Variants in DLGAP2 observed in about 807,000 individuals in gnomAD.
DLGAP2 encodes disks large-associated protein 2.
In DLGAP2, 26 loss-of-function variants were observed where a neutral mutation model predicts 100.3. The ratio of observed to expected loss-of-function variants is 0.26; its 90% CI spans 0.19 to 0.36. The LOEUF is 0.36. DLGAP2 is among the 10% of genes least tolerant of loss of function. DLGAP2 has a pLI of 1.00. For synonymous variants in DLGAP2, 886 were observed against 630.1 expected (o/e 1.41, Z -6.08); for missense variants, 1,858 against 1,453.2 (o/e 1.28, Z -4.53).
intron 3 of DLGAP2, among the ~76,000 whole-genome samples, chr8:1,366,986 C>A (rs1239247909): frequency 6.6e-6 from 1 of 151,694 alleles, no homozygotes; most frequent in Non-Finnish European, 1.5e-5. Flanking sequence ...TGACCACAGA[C>A]CCCGGTAAAT....
chr8:1,407,476 G>C (rs1328155338), intron 3 of DLGAP2, among the ~76,000 whole-genome samples: 1 of 146,494 alleles, frequency 6.8e-6, no homozygotes, highest in African/African-American at 2.5e-5. Flanking sequence ...TCATCCTCCA[G>C]GGTAGTGTAT....
At chr8:1,526,008 A>G (rs550301978) in intron 4 of DLGAP2, among the ~76,000 whole-genome samples, 9 of 152,082 alleles carry the variant, frequency 5.9e-5, no homozygotes, top group Admixed American at 1.3e-4. Context: ...ATACTTGCCA[A>G]GTGAACATCC....
At chr8:1,488,475 G>C (rs949849798) in intron 3 of DLGAP2, among the ~76,000 whole-genome samples, 24 of 152,200 alleles carry the variant, frequency 1.6e-4, no homozygotes, top group Admixed American at 1.2e-3. Flanking sequence ...TGAGAGGCCA[G>C]TCGGAACGGT....
chr8:1,536,722 G>T (rs1260416801), intron 4 of DLGAP2, among the ~76,000 whole-genome samples: 1 of 152,240 alleles, frequency 6.6e-6, no homozygotes, highest in South Asian at 2.1e-4. Context: ...TATTCATTTT[G>T]TCTCCCTTTT....
intron 3 of DLGAP2, among the ~76,000 whole-genome samples, chr8:1,478,857 A>G (rs1437932665): frequency 2.0e-5 from 3 of 152,236 alleles, no homozygotes; most frequent in African/African-American, 7.2e-5. Context: ...TTAGCCAGGT[A>G]CAAAGGAACA....
chr8:1,463,448 C>T (rs1798516871), intron 3 of DLGAP2, among the ~76,000 whole-genome samples: 1 of 152,198 alleles, frequency 6.6e-6, no homozygotes, highest in Non-Finnish European at 1.5e-5. Context: ...CACCCATGCT[C>T]CCCAGGAACT....
chr8:825,629 T>C (rs1796673184), intron 1 of DLGAP2, among the ~76,000 whole-genome samples: 1 of 152,240 alleles, frequency 6.6e-6, no homozygotes, highest in Admixed American at 6.5e-5. Context: ...CTCTTCAGTC[T>C]GAAGTTTATC....
At chr8:1,040,735 C>T (rs568677669) in intron 2 of DLGAP2, among the ~76,000 whole-genome samples, 9 of 152,120 alleles carry the variant, frequency 5.9e-5, no homozygotes, top group Non-Finnish European at 8.8e-5. Flanking sequence ...TGGTCAGCTC[C>T]GTTCAGAAGA....
chr8:1,221,482 G>A (rs1352890586), intron 2 of DLGAP2, among the ~76,000 whole-genome samples: 1 of 152,122 alleles, frequency 6.6e-6, no homozygotes, highest in Non-Finnish European at 1.5e-5. Context: ...TAGCCTGATG[G>A]GGTTCCCTTG....
At chr8:1,507,628 G>T (rs531256551) in intron 4 of DLGAP2, among the ~76,000 whole-genome samples, 1 of 152,178 alleles carries the variant, frequency 6.6e-6, no homozygotes, top group Non-Finnish European at 1.5e-5. Flanking sequence ...AGGAGGCGCC[G>T]GGAGTGAGTG....
intron 2 of DLGAP2, among the ~76,000 whole-genome samples, chr8:1,217,138 A>G (rs1043354979): frequency 2.6e-5 from 4 of 152,132 alleles, no homozygotes; most frequent in Admixed American, 6.5e-5. Flanking sequence ...AGACCCCAGT[A>G]TCTGTTGCTC....
At chr8:1,304,750 C>A (rs1250928700) in intron 3 of DLGAP2, among the ~76,000 whole-genome samples, 2 of 152,096 alleles carry the variant, frequency 1.3e-5, no homozygotes, top group Non-Finnish European at 2.9e-5. Context: ...GCTAAGTACC[C>A]CTTGCTACAT....
intron 1 of DLGAP2, among the ~76,000 whole-genome samples, chr8:756,015 A>T (rs527588536): frequency 9.2e-5 from 14 of 152,254 alleles, no homozygotes; most frequent in African/African-American, 3.1e-4. Flanking sequence ...GTCCTGTTTT[A>T]GGTTATAACC....
At chr8:788,546 A>G (rs1453428366) in intron 1 of DLGAP2, among the ~76,000 whole-genome samples, 1 of 152,224 alleles carries the variant, frequency 6.6e-6, no homozygotes, top group Non-Finnish European at 1.5e-5. Context: ...CCCTTAGATA[A>G]GATAGTAGCC....
At chr8:1,308,256 C>T (rs1290979590) in intron 3 of DLGAP2, among the ~76,000 whole-genome samples, 1 of 152,200 alleles carries the variant, frequency 6.6e-6, no homozygotes, top group African/African-American at 2.4e-5. Flanking sequence ...AATGAGATAT[C>T]TGTCAACATA....
chr8:1,409,503 G>T (rs952692169), intron 3 of DLGAP2, among the ~76,000 whole-genome samples: 12 of 152,246 alleles, frequency 7.9e-5, no homozygotes. Flanking sequence ...CAAGAAGAGA[G>T]CTGGGTGTGA....
chr8:1,443,475 G>C (rs1797896275), intron 3 of DLGAP2, among the ~76,000 whole-genome samples: 1 of 152,168 alleles, frequency 6.6e-6, no homozygotes, highest in Non-Finnish European at 1.5e-5. Flanking sequence ...ACATCCCTCA[G>C]TCTTCTCCTG....
chr8:1,441,785 G>T (rs1320422163), intron 3 of DLGAP2, among the ~76,000 whole-genome samples: 1 of 143,848 alleles, frequency 7.0e-6, no homozygotes, highest in African/African-American at 2.5e-5. Context: ...AGCTTGACCA[G>T]TTTTTTTTTT....
At chr8:1,514,094 T>A (rs1203981990) in intron 4 of DLGAP2, among the ~76,000 whole-genome samples, 1 of 152,228 alleles carries the variant, frequency 6.6e-6, no homozygotes, top group African/African-American at 2.4e-5. Context: ...TAGGCAGGCA[T>A]TGGGTGGCGT....
Sources: allele counts gnomAD v4.1 joint callset (sites outside exome capture counted in the v4.1 genomes callset), GRCh38; gene constraint gnomAD v4.1.1; transcripts MANE v1.5; gene names NCBI Gene and HGNC (gene_info 2026-07-23, HGNC 2026-07-21).